BAHD1: variants seen among roughly 807,000 people sequenced by gnomAD.
BAHD1 encodes the protein bromo adjacent homology domain-containing 1 protein.
BAHD1 carries 20 observed loss-of-function variants against 63.1 expected under a neutral mutation model. That is an observed-to-expected ratio of 0.32 (90% CI 0.22 to 0.46). The LOEUF (loss-of-function observed/expected upper bound fraction) is 0.46. BAHD1 is among the 20% of genes least tolerant of loss of function. The pLI is 1.00. For synonymous variants in BAHD1, 408 were observed against 426.8 expected (o/e 0.96, Z 0.54); for missense variants, 939 against 1,071.8 (o/e 0.88, Z 1.73).
At chr15:40,451,305 C>T (rs527359431) in intron 1 of BAHD1, among the ~76,000 whole-genome samples, 1 of 152,346 alleles carries the variant, frequency 6.6e-6, no homozygotes, top group African/African-American at 2.4e-5. Context: ...CAGTAAGTGT[C>T]TAAATGCCTG....
intron 4 of BAHD1, 29 bp downstream of exon 4, chr15:40,464,049 G>T (rs1365883944): frequency 6.2e-7 from 1 of 1,611,092 alleles, no homozygotes. Context: ...GGGGACCCAA[G>T]GGGCAGCTGC....
At chr15:40,456,588 A>G (rs1005240636) in intron 1 of BAHD1, among the ~76,000 whole-genome samples, 1 of 152,188 alleles carries the variant, frequency 6.6e-6, no homozygotes, top group Non-Finnish European at 1.5e-5. Flanking sequence ...CTCTTTCTCA[A>G]TTAATGCAGC....
rs35802092 is a variant in BAHD1, at chr15:40,459,558, A to G, written c.1094A>G (p.Asn365Ser). ...LPMPGNPADY[N>S]GLCVGPELTA... ...ATGCCTGGCAACCCCGCCGACTACA[A>G]TGGCCTGTGTGTTGGGCCTGAGCTC... is the stretch of plus-strand genomic sequence containing the variant. The change falls in exon 2 of 7, where the codon AAT becomes AGT. Residue 365 changes from asparagine to serine, a missense_variant. Physicochemically the swap from Asn to Ser is conservative, Grantham distance 46. Around this residue, in one of 5 missense-constraint regions of BAHD1, gnomAD observed 797 missense variants for 813.3 expected, o/e 0.98. Transcript: ENST00000416165. The G allele has an allele frequency of 7.9e-5, 127 of 1,614,160 alleles. No homozygotes were observed. The African/African-American group carries it at 1.3e-3, about 16-fold the overall frequency.
intron 3 of BAHD1, among the ~76,000 whole-genome samples, chr15:40,462,684 CAG>C (rs2141544385): frequency 6.6e-6 from 1 of 152,218 alleles, no homozygotes; most frequent in East Asian, 1.9e-4. Flanking sequence ...ATTAGTGACA[CAG>C]AGAACATCTC....
At chr15:40,445,958 T>C (rs987736375) in intron 1 of BAHD1, among the ~76,000 whole-genome samples, 1 of 152,208 alleles carries the variant, frequency 6.6e-6, no homozygotes, top group African/African-American at 2.4e-5. Context: ...GAAATGCCTG[T>C]TAACCCTGAA....
chr15:40,459,925 G>A (rs1342779804), intron 2 of BAHD1, 29 bp downstream of exon 2: 1 of 1,542,868 alleles, frequency 6.5e-7, no homozygotes, highest in Non-Finnish European at 8.7e-7. Flanking sequence ...AAGATGTACT[G>A]GGGAGTCTCG....
rs1394210231 is a variant in BAHD1 at position 40,459,747 on chromosome 15, T to C, written c.1283T>C (p.Phe428Ser). 1 of 1,613,818 alleles carries C rather than the reference T, an allele frequency of 6.2e-7. No individual in the cohort carries two copies. Among genetic ancestry groups the C allele is most frequent in the East Asian group, 2.2e-5 (1 of 44,896 alleles). ...AGCTCAGTGCCCTCAGGCACCCCTTTCCAGCACCCTCCCTGGGGCTCCTCT... is the reference window on the plus strand; with the variant it reads ...AGCTCAGTGCCCTCAGGCACCCCTTCCCAGCACCCTCCCTGGGGCTCCTCT... The part of the protein sequence containing the change: ...APSSVPSGTP[F>S]QHPPWGSSRY... Residue 428 changes from phenylalanine to serine, a missense_variant, in exon 2 of 7, where the codon TTC (phenylalanine) becomes TCC (serine). This residue lies in a region of BAHD1 where 797 missense variants were observed against 813.3 expected (regional missense o/e 0.98). Coordinates refer to ENST00000416165, the MANE Select transcript of BAHD1 (RefSeq NM_014952.5).
chr15:40,465,027 T>C (rs966523936), intron 5 of BAHD1: 7 of 433,634 alleles, frequency 1.6e-5, no homozygotes, highest in East Asian at 8.7e-5. Flanking sequence ...GCAGGGACTT[T>C]CCATCTAACT....
chr15:40,438,429 G>A (rs1306583260), upstream of BAHD1, among the ~76,000 whole-genome samples: 1 of 152,158 alleles, frequency 6.6e-6, no homozygotes, highest in Non-Finnish European at 1.5e-5. Context: ...TCAGTGAGCT[G>A]GCACAGGAGG....
intron 3 of BAHD1, among the ~76,000 whole-genome samples, chr15:40,462,647 T>C (rs1182476075): frequency 6.6e-6 from 1 of 151,982 alleles, no homozygotes; most frequent in Non-Finnish European, 1.5e-5. Flanking sequence ...TAAGTCTATA[T>C]AGGGGGCGTT....
Position 40,466,210 on chromosome 15 carries a change from G to T in BAHD1, c.*80G>T. ...GGCACTGCTTGAAGCACAGCACTTGGTTAGGGGGCCACAGAGGCCTAAGTT... is the reference window on the plus strand; with the variant it reads ...GGCACTGCTTGAAGCACAGCACTTGTTTAGGGGGCCACAGAGGCCTAAGTT... On this transcript the variant is annotated 3_prime_UTR_variant, in exon 7 of 7. Coordinates refer to ENST00000416165, the MANE Select transcript of BAHD1 (RefSeq NM_014952.5). 4 of 1,361,676 alleles carry T rather than the reference G, an allele frequency of 2.9e-6. No homozygotes were observed. The highest frequency in any genetic ancestry group is 2.8e-5 in the South Asian group (2 of 71,966). The allele number at this position is 1,361,676 out of a possible 1,614,324, so 84.3% of individuals were successfully genotyped here.
rs374152126 is a variant in BAHD1, at chr15:40,462,128, G to A, written c.1649G>A (p.Arg550His). 59 of 1,612,494 alleles carry A rather than the reference G, an allele frequency of 3.7e-5. No individual in the cohort carries two copies. Among genetic ancestry groups the A allele is most frequent in the Admixed American group, 1.0e-4 (6 of 60,024 alleles). ...KPPSGSKSGL[R>H]TGSSCRHTAR... ...CCCAGCGGTTCTAAGTCAGGTCTGCGCACAGGCTCCAGCTGCAGGCACACT... is the reference window on the plus strand; with the variant it reads ...CCCAGCGGTTCTAAGTCAGGTCTGCACACAGGCTCCAGCTGCAGGCACACT... The change falls in exon 3 of 7, where the codon CGC (arginine) becomes CAC (histidine). Residue 550 changes from arginine to histidine, a missense_variant. By Grantham distance (29) the Arg-to-His change is conservative. This residue lies in a region of BAHD1 where 797 missense variants were observed against 813.3 expected (regional missense o/e 0.98). Transcript: ENST00000416165.
At chr15:40,455,471 G>C (rs969299055) in intron 1 of BAHD1, among the ~76,000 whole-genome samples, 1 of 152,192 alleles carries the variant, frequency 6.6e-6, no homozygotes, top group African/African-American at 2.4e-5. Context: ...TGGGACTTCT[G>C]TGTGTTGAGA....
chr15:40,455,888 C>T (rs190869211), intron 1 of BAHD1, among the ~76,000 whole-genome samples: 38 of 152,352 alleles, frequency 2.5e-4, no homozygotes, highest in African/African-American at 8.2e-4. Context: ...TGCTGCTTCT[C>T]GTTGCATGCT....
chr15:40,450,424 T>G (rs1475984165), intron 1 of BAHD1, among the ~76,000 whole-genome samples: 1 of 152,194 alleles, frequency 6.6e-6, no homozygotes, highest in Non-Finnish European at 1.5e-5. Flanking sequence ...TTTAGAAATC[T>G]AAGTTGTTGG....
At position 40,462,225 on chromosome 15, in the gene BAHD1, CCGCCGT is replaced by C. The variant is rs759073538; in HGVS notation, c.1752_1757del (p.Arg586_Arg587del). 117 of 1,611,264 alleles carry C rather than the reference CCGCCGT, an allele frequency of 7.3e-5. 1 individual carries two copies. Among genetic ancestry groups the C allele is most frequent in the African/African-American group, 8.0e-5 (6 of 74,842 alleles). ...GTGTCCAGCGCCCACGCCCTCGCCGCCGCCGTCGCCGCCGCACTAATGGCTGGGTAC... is the reference window on the plus strand; with the variant it reads ...GTGTCCAGCGCCCACGCCCTCGCCGCCGCCGCCGCACTAATGGCTGGGTAC... On this transcript the variant is annotated inframe_deletion, in exon 3 of 7. Transcript: ENST00000416165.
rs1415755580 is a variant in BAHD1 at position 40,459,082 on chromosome 15, C to T, written c.618C>T (p.Ser206=). Residue 206 remains serine (S), a synonymous_variant, in exon 2 of 7, where the codon AGC becomes AGT. Coordinates refer to ENST00000416165, the MANE Select transcript of BAHD1 (RefSeq NM_014952.5). ...DGDPAPKRLA[S]LNAAAFLKLS... ...ACCCAGCTCCCAAGAGACTGGCTAG[C>T]CTGAACGCAGCTGCTTTCCTAAAAC... is the stretch of plus-strand genomic sequence containing the variant. The T allele has an allele frequency of 1.9e-6, 3 of 1,612,598 alleles. No individual in the cohort carries two copies. The highest frequency in any genetic ancestry group is 2.7e-5 in the African/African-American group (2 of 74,920).
intron 1 of BAHD1, among the ~76,000 whole-genome samples, chr15:40,442,315 C>T (rs907225329): frequency 6.6e-6 from 1 of 151,898 alleles, no homozygotes; most frequent in Non-Finnish European, 1.5e-5. Flanking sequence ...GGCCGGGGCG[C>T]CCGCCGGGAG....
chr15:40,460,304 A>G (rs1894001238), intron 2 of BAHD1, among the ~76,000 whole-genome samples: 1 of 152,158 alleles, frequency 6.6e-6, no homozygotes, highest in Non-Finnish European at 1.5e-5. Context: ...GAAAGCTAGA[A>G]TTCCCTAGTT....
Sources: allele counts gnomAD v4.1 joint callset (sites outside exome capture counted in the v4.1 genomes callset), GRCh38; gene constraint gnomAD v4.1.1; regional missense constraint gnomAD v4.1.1; transcripts MANE v1.5; gene names NCBI Gene and HGNC (gene_info 2026-07-23, HGNC 2026-07-21).